Variants in SRL observed in about 807,000 individuals in gnomAD.
The protein encoded by SRL is sarcalumenin.
SRL carries 23 observed loss-of-function variants against 39.5 expected under a neutral mutation model. That is an observed-to-expected ratio of 0.58 (90% CI 0.42 to 0.82). SRL has a LOEUF of 0.82. SRL is among the 40% of genes least tolerant of loss of function. SRL has a pLI of 0.00. For synonymous variants in SRL, 272 were observed against 237.4 expected, an observed-to-expected ratio of 1.15 and a Z score of -1.34; for missense variants, 592 against 607.8, an observed-to-expected ratio of 0.97 and a Z score of 0.27.
In SRL at chr16:4,203,816, C is replaced by G. The variant is rs1293985969; in HGVS notation, c.164-555G>C. On this transcript the variant is annotated intron_variant, in intron 2 of 5. Coordinates refer to ENST00000399609, the MANE Select transcript of SRL (RefSeq NM_001098814.2). ...ATGAGAATTCCATCTCTGTTGCCCACCTCTGTGTGTGCTCCCTGAGGCTTA... is the reference window on the plus strand; with the variant it reads ...ATGAGAATTCCATCTCTGTTGCCCAGCTCTGTGTGTGCTCCCTGAGGCTTA... 4.6e-5 allele frequency among the ~76,000 whole-genome samples: 7 copies of G among 152,380 alleles called. No individual in the cohort carries two copies. In the East Asian group the frequency reaches 7.7e-4, roughly 17 times the overall value.
At chr16:4,230,583 T>G (rs1286430141) in intron 1 of SRL, among the ~76,000 whole-genome samples, 1 of 151,660 alleles carries the variant, frequency 6.6e-6, no homozygotes, top group Non-Finnish European at 1.5e-5. Context: ...GAGACGGGGT[T>G]TCACCATGTT....
intron 3 of SRL, among the ~76,000 whole-genome samples, chr16:4,199,397 T>G (rs7187008): frequency 0.76 from 98,485 of 129,210 alleles, 38,202 homozygotes; most frequent in African/African-American, 0.93. Flanking sequence ...TTTGAGACAG[T>G]GTCTCACTCT....
Position 4,192,507 on chromosome 16 carries a change from G to T in SRL, c.1068C>A (p.Asp356Glu). Residue 356 changes from aspartate to glutamate, a missense_variant, in exon 6 of 6, where the codon GAC (aspartate) becomes GAA (glutamate). Asp to Glu is a conservative substitution (Grantham distance 45, BLOSUM62 2). Transcript: ENST00000399609. The surrounding 1 kb of genome is among the most constrained non-coding windows in gnomAD (Gnocchi z 4.0). ...CTCCATCACTGAAGAAGGTCATTTT[G>T]TCCTTGTAAGTCTGCAGGTAGCGGT... ...LVDRYLQTYK[D>E]KMTFFSDGEL... 6.2e-7 allele frequency: 1 copy of T among 1,614,204 alleles called. No homozygotes were observed. The highest frequency in any genetic ancestry group is 8.5e-7 in the Non-Finnish European group (1 of 1,180,040).
Position 4,210,684 on chromosome 16 carries a change from T to C in SRL, c.62-6050A>G, listed in dbSNP as rs567777615. 6.6e-5 allele frequency among the ~76,000 whole-genome samples: 10 copies of C among 152,218 alleles called. No individual in the cohort carries two copies. In the East Asian group the frequency reaches 1.9e-3, roughly 29 times the overall value. On this transcript the variant is annotated intron_variant, in intron 1 of 5. Coordinates refer to ENST00000399609, the MANE Select transcript of SRL (RefSeq NM_001098814.2). ...TTTTAATAGAGACAGGGTTTCACCA[T>C]GTTGGCTAGGCTGGTCTTGAACTCC...
intron 1 of SRL, among the ~76,000 whole-genome samples, chr16:4,217,884 TG>T (rs1567184016): frequency 6.6e-6 from 1 of 152,120 alleles, no homozygotes; most frequent in Non-Finnish European, 1.5e-5. Flanking sequence ...CCTCCGGGTC[TG>T]GGGGCTCAGT....
intron 3 of SRL, among the ~76,000 whole-genome samples, chr16:4,198,542 A>T (rs1438015366): frequency 6.6e-6 from 1 of 152,012 alleles, no homozygotes; most frequent in Non-Finnish European, 1.5e-5. Flanking sequence ...ACTGGGCTCA[A>T]GCAATCCTCC....
intron 1 of SRL, among the ~76,000 whole-genome samples, chr16:4,216,727 G>A (rs1012699772): frequency 6.6e-6 from 1 of 152,172 alleles, no homozygotes; most frequent in African/African-American, 2.4e-5. Context: ...CTTGCAGAAG[G>A]CCTTGGGCCT....
At chr16:4,218,805 C>T (rs2052489521) in intron 1 of SRL, among the ~76,000 whole-genome samples, 1 of 152,252 alleles carries the variant, frequency 6.6e-6, no homozygotes, top group South Asian at 2.1e-4. Context: ...CCGGCGGTTC[C>T]CAAGTCTACG....
At chr16:4,225,614 A>T (rs2052578865) in intron 1 of SRL, among the ~76,000 whole-genome samples, 1 of 151,938 alleles carries the variant, frequency 6.6e-6, no homozygotes, top group African/African-American at 2.4e-5. Flanking sequence ...TTTCTCCAAA[A>T]CCTTAATTAA....
intron 1 of SRL, among the ~76,000 whole-genome samples, chr16:4,240,558 A>G (rs1039962076): frequency 1.3e-5 from 2 of 152,150 alleles, no homozygotes; most frequent in African/African-American, 4.8e-5. Flanking sequence ...GGAAGGAAAG[A>G]CAGCAGAGAG....
At chr16:4,225,884 C>A (rs2052582529) in intron 1 of SRL, among the ~76,000 whole-genome samples, 1 of 152,080 alleles carries the variant, frequency 6.6e-6, no homozygotes, top group African/African-American at 2.4e-5. Flanking sequence ...GACCTGGAGG[C>A]CCACACCCTC....
At chr16:4,200,409 A>T (rs2052212519) in intron 3 of SRL, among the ~76,000 whole-genome samples, 1 of 152,164 alleles carries the variant, frequency 6.6e-6, no homozygotes, top group South Asian at 2.1e-4. Flanking sequence ...TCCTCACAGC[A>T]GGGGGCACCG....
intron 1 of SRL, among the ~76,000 whole-genome samples, chr16:4,224,991 CAA>C (rs1567187134): frequency 1.3e-5 from 2 of 152,116 alleles, no homozygotes; most frequent in African/African-American, 4.8e-5. Context: ...AAGCTGGACA[CAA>C]GAGACCACAT....
chr16:4,198,141 T>C (rs2052174633), intron 3 of SRL, among the ~76,000 whole-genome samples: 1 of 152,204 alleles, frequency 6.6e-6, no homozygotes, highest in East Asian at 1.9e-4. Flanking sequence ...CCTTGGCACG[T>C]CTGCCCCCAC....
In SRL at chr16:4,221,040, G is replaced by A. The variant is rs541185911; in HGVS notation, c.62-16406C>T. Among the ~76,000 whole-genome samples, 55 of 149,844 alleles carry A rather than the reference G, an allele frequency of 3.7e-4. 1 individual carries two copies. The highest frequency in any genetic ancestry group is 1.3e-3 in the African/African-American group (52 of 40,950). Reference sequence around the variant, plus strand: ...TGAGGCCCTCATCGCCTGGGACCATGGGCTATTCCATTATTTTTTTTTTTT... The same window carrying A: ...TGAGGCCCTCATCGCCTGGGACCATAGGCTATTCCATTATTTTTTTTTTTT... On this transcript the variant is annotated intron_variant, in intron 1 of 5. Transcript: ENST00000399609.
At position 4,197,922 on chromosome 16, in the gene SRL, G is replaced by A. The variant is rs750753018; in HGVS notation, c.260-7C>T. The A allele has an allele frequency of 1.9e-6, 3 of 1,575,378 alleles. No individual in the cohort carries two copies. Among genetic ancestry groups the A allele is most frequent in the Non-Finnish European group, 2.6e-6 (3 of 1,144,818 alleles). On this transcript the variant is annotated splice_region_variant and splice_polypyrimidine_tract_variant and intron_variant, in intron 3 of 5. Coordinates refer to ENST00000399609, the MANE Select transcript of SRL (RefSeq NM_001098814.2). ...TTGGAGGTAATCTCTCCATCTGTGG[G>A]CAACAGGAAGTAGAAATGGAATAAA...
At chr16:4,212,071 C>A (rs75366540) in intron 1 of SRL, among the ~76,000 whole-genome samples, 1,624 of 152,282 alleles carry the variant, frequency 0.011, 8 homozygotes, top group Non-Finnish European at 0.015. Flanking sequence ...TGACCATGAC[C>A]TTCACACTGC....
intron 4 of SRL, 54 bp downstream of exon 4, chr16:4,197,745 G>A: frequency 7.8e-7 from 1 of 1,284,942 alleles, no homozygotes. Flanking sequence ...AATTTTCATG[G>A]TGCTTTTACA....
chr16:4,206,394 C>T (rs776346693), intron 1 of SRL, among the ~76,000 whole-genome samples: 2 of 152,184 alleles, frequency 1.3e-5, no homozygotes, highest in Admixed American at 6.5e-5. Context: ...TCCCTCCACC[C>T]GCTGGCCCCG....
Sources: allele counts gnomAD v4.1 joint callset (sites outside exome capture counted in the v4.1 genomes callset), GRCh38; gene constraint gnomAD v4.1.1; non-coding constraint Gnocchi (gnomAD v3.1); transcripts MANE v1.5; gene names NCBI Gene and HGNC (gene_info 2026-07-23, HGNC 2026-07-21).